The following DYNC2H1 variants were observed in gnomAD, a reference collection of about 807,000 sequenced individuals.
DYNC2H1 encodes the protein dynein cytoplasmic 2 heavy chain 1, also known as cytoplasmic dynein 2 heavy chain 1.
In DYNC2H1, 410 loss-of-function variants were observed where a neutral mutation model predicts 570.0. The ratio of observed to expected loss-of-function variants is 0.72; its 90% CI spans 0.66 to 0.78. The LOEUF is 0.78. Among genes scored for constraint, DYNC2H1 ranks in the 30% least tolerant of loss-of-function variants. The pLI is 0.00. For synonymous variants in DYNC2H1, 1,688 were observed against 1,677.6 expected, an observed-to-expected ratio of 1.01 and a Z score of -0.15; for missense variants, 4,865 against 5,046.4, an observed-to-expected ratio of 0.96 and a Z score of 1.09.
intron 79 of DYNC2H1, among the ~76,000 whole-genome samples, chr11:103,314,742 A>G (rs1179902539): frequency 6.6e-6 from 1 of 151,886 alleles, no homozygotes; most frequent in East Asian, 1.9e-4. Flanking sequence ...AAATATATAT[A>G]CCTATGACAT....
chr11:103,158,768 C>T lies in DYNC2H1; in HGVS notation c.4219C>T (p.Gln1407Ter), dbSNP rs1395482031. The change falls in exon 27 of 89, where the codon CAG becomes TAG. Residue 1407 changes from glutamine (Q) to a stop codon, truncating the protein, a stop_gained. Transcript: ENST00000375735. LOFTEE classifies it high-confidence loss of function. ...IRNSLLTILD[Q>*]LQRCQKSLNE... ...AAATTCTCTACTAACAATACTTGAT[C>T]AGCTTCAAAGATGTCAGAAATCATT... 7 of 1,505,524 alleles carry T rather than the reference C, an allele frequency of 4.6e-6. No individual in the cohort carries two copies. Among genetic ancestry groups the T allele is most frequent in the Non-Finnish European group, 5.4e-6 (6 of 1,113,274 alleles). The allele number at this position is 1,505,524 out of a possible 1,614,324, so 93.3% of individuals were successfully genotyped here. A position where few individuals can be genotyped will look rare whatever the true frequency, so the allele number is the denominator to read the frequency against.
intron 80 of DYNC2H1, among the ~76,000 whole-genome samples, chr11:103,318,430 A>G (rs1937984829): frequency 6.6e-6 from 1 of 152,180 alleles, no homozygotes; most frequent in South Asian, 2.1e-4. Context: ...GGGTTCCTGT[A>G]GTTAACATTA....
At position 103,166,115 on chromosome 11, in the gene DYNC2H1, C is replaced by A. The variant is rs1194993400; in HGVS notation, c.4762+67C>A. ...TTTTTTGGTATTCTATCCTAATTTA[C>A]CTATTGTGTTTTTGACTGTATATCT... is the stretch of plus-strand genomic sequence containing the variant. On this transcript the variant is annotated intron_variant, in intron 31 of 88. Coordinates refer to ENST00000375735, the MANE Select transcript of DYNC2H1 (RefSeq NM_001377.3). The A allele has an allele frequency of 5.2e-6, 7 of 1,349,984 alleles. No homozygotes were observed. In the East Asian group the frequency reaches 1.1e-4, roughly 21 times the overall value. The allele number at this position is 1,349,984 out of a possible 1,614,324, so 83.6% of individuals were successfully genotyped here. A position where few individuals can be genotyped will look rare whatever the true frequency, so the allele number is the denominator to read the frequency against.
Position 103,334,547 on chromosome 11 carries a change from T to C in DYNC2H1, c.12039+10557T>C, listed in dbSNP as rs182144111. On this transcript the variant is annotated intron_variant, in intron 82 of 88. Coordinates refer to ENST00000375735, the MANE Select transcript of DYNC2H1 (RefSeq NM_001377.3). This position sits in a 1 kb window ranked among gnomAD's most constrained non-coding sequence, Gnocchi z 4.3. ...TACCAAAAACAGTTTTAGTTGGCATTTTATTACTTTTTAAAATAAATTCAA... is the reference window on the plus strand; with the variant it reads ...TACCAAAAACAGTTTTAGTTGGCATCTTATTACTTTTTAAAATAAATTCAA... Among the ~76,000 whole-genome samples the C allele has an allele frequency of 3.3e-5, 5 of 152,266 alleles. No individual in the cohort carries two copies. The highest frequency in any genetic ancestry group is 2.0e-4 in the Admixed American group (3 of 15,302).
intron 17 of DYNC2H1, 120 bp downstream of exon 17, chr11:103,136,068 G>C (rs1859523432): frequency 1.3e-6 from 1 of 787,962 alleles, no homozygotes; most frequent in African/African-American, 1.8e-5. Context: ...ATATGGCAAA[G>C]CAGAGAGCTG....
chr11:103,298,303 AG>A (rs1222512368), intron 75 of DYNC2H1, among the ~76,000 whole-genome samples: 1 of 152,162 alleles, frequency 6.6e-6, no homozygotes, highest in Non-Finnish European at 1.5e-5. Flanking sequence ...AAAATAAAAC[AG>A]GACACTTTTC....
At chr11:103,458,936 C>T (rs370844611) in intron 87 of DYNC2H1, among the ~76,000 whole-genome samples, 1 of 151,950 alleles carries the variant, frequency 6.6e-6, no homozygotes, top group Non-Finnish European at 1.5e-5. Flanking sequence ...CCTCCCAAAG[C>T]GACCAGATTA....
intron 83 of DYNC2H1, among the ~76,000 whole-genome samples, chr11:103,388,018 G>GT (rs1287015491): frequency 1.3e-5 from 2 of 152,042 alleles, no homozygotes; most frequent in East Asian, 1.9e-4. Flanking sequence ...CTTTAAAGTA[G>GT]TTTTTTTCCA....
rs1271233599 is a variant in DYNC2H1, at chr11:103,369,319, G to A, written c.12156+10960G>A. Among the ~76,000 whole-genome samples, 1 of 152,198 alleles carries A rather than the reference G, an allele frequency of 6.6e-6. No homozygotes were observed. Among genetic ancestry groups the A allele is most frequent in the Non-Finnish European group, 1.5e-5 (1 of 68,034 alleles). On this transcript the variant is annotated intron_variant, in intron 83 of 88. Coordinates refer to ENST00000375735, the MANE Select transcript of DYNC2H1 (RefSeq NM_001377.3). The surrounding 1 kb of genome is among the most constrained non-coding windows in gnomAD (Gnocchi z 4.0). ...GCTGGCGGCAGGAACCTGAGTTCTT[G>A]CAAGCCTCACCAAAGCAGGCGGAAG...
At chr11:103,165,770 G>A (rs1861280767) in intron 30 of DYNC2H1, 128 bp from the exon 31 acceptor site, 2 of 679,468 alleles carry the variant, frequency 2.9e-6, no homozygotes, top group Non-Finnish European at 2.3e-6. Context: ...TAAGGTTCCA[G>A]TATGACATTA....
chr11:103,427,616 G>A (rs1304503614), intron 84 of DYNC2H1, among the ~76,000 whole-genome samples: 1 of 152,058 alleles, frequency 6.6e-6, no homozygotes, highest in Non-Finnish European at 1.5e-5. Flanking sequence ...AGATCTGGTG[G>A]TATCTGATAA....
chr11:103,416,988 A>G (rs978227878), intron 84 of DYNC2H1, among the ~76,000 whole-genome samples: 25 of 152,242 alleles, frequency 1.6e-4, no homozygotes, highest in African/African-American at 6.0e-4. Context: ...ACACTTCTCA[A>G]AAGAAGACCT....
chr11:103,246,499 TTA>T (rs1228979503), intron 65 of DYNC2H1, among the ~76,000 whole-genome samples: 2 of 152,052 alleles, frequency 1.3e-5, no homozygotes, highest in East Asian at 3.9e-4. Flanking sequence ...GTGATAAATT[TTA>T]TATCATGATT....
intron 52 of DYNC2H1, among the ~76,000 whole-genome samples, chr11:103,206,347 A>C (rs1197034023): frequency 6.6e-6 from 1 of 152,210 alleles, no homozygotes; most frequent in Non-Finnish European, 1.5e-5. Context: ...TAAATATGAG[A>C]TACCAGACAT....
Position 103,325,630 on chromosome 11 carries a change from TTC to T in DYNC2H1, c.12039+1642_12039+1643del, listed in dbSNP as rs1167870441. On this transcript the variant is annotated intron_variant, in intron 82 of 88. Coordinates refer to ENST00000375735, the MANE Select transcript of DYNC2H1 (RefSeq NM_001377.3). The surrounding 1 kb of genome is among the most constrained non-coding windows in gnomAD (Gnocchi z 4.8). Reference sequence around the variant, plus strand: ...TTCACCTGTATACTGCTGTTAATACTTCTGATTGTATTATGAAATTCTTGTAG... The same window carrying T: ...TTCACCTGTATACTGCTGTTAATACTTGATTGTATTATGAAATTCTTGTAG... 6.6e-6 allele frequency among the ~76,000 whole-genome samples: 1 copy of T among 152,212 alleles called. No homozygotes were observed. Among genetic ancestry groups the T allele is most frequent in the Non-Finnish European group, 1.5e-5 (1 of 68,030 alleles).
chr11:103,414,178 TAAA>T (rs1315351834), intron 84 of DYNC2H1, among the ~76,000 whole-genome samples: 1 of 152,004 alleles, frequency 6.6e-6, no homozygotes, highest in African/African-American at 2.4e-5. Context: ...GATCAGGAAA[TAAA>T]AAGTCAGAAA....
At chr11:103,438,971 G>A (rs1295199601) in intron 85 of DYNC2H1, among the ~76,000 whole-genome samples, 3 of 151,914 alleles carry the variant, frequency 2.0e-5, no homozygotes, top group Admixed American at 6.6e-5. Flanking sequence ...ATGAGACCTC[G>A]CCTCTTAAAA....
chr11:103,425,498 A>G (rs1758398426), intron 84 of DYNC2H1, among the ~76,000 whole-genome samples: 1 of 152,056 alleles, frequency 6.6e-6, no homozygotes, highest in African/African-American at 2.4e-5. Flanking sequence ...GAAGCCTCAT[A>G]ACCTTCACCC....
At chr11:103,348,347 T>C (rs375935025) in intron 82 of DYNC2H1, among the ~76,000 whole-genome samples, 25 of 152,316 alleles carry the variant, frequency 1.6e-4, no homozygotes, top group African/African-American at 5.8e-4. Context: ...AGTGTGTATA[T>C]TTTGGTAATT....
Sources: allele counts gnomAD v4.1 joint callset (sites outside exome capture counted in the v4.1 genomes callset), GRCh38; gene constraint gnomAD v4.1.1; non-coding constraint Gnocchi (gnomAD v3.1); transcripts MANE v1.5; gene names NCBI Gene and HGNC (gene_info 2026-07-23, HGNC 2026-07-21).